Variants in ANK3 observed in about 807,000 individuals in gnomAD.
The protein encoded by ANK3 is ankyrin 3, also known as ankyrin-3.
ANK3 carries 57 observed loss-of-function variants against 370.9 expected under a neutral mutation model. The observed-to-expected ratio is 0.15, with a 90% CI of 0.12 to 0.19. ANK3 has a LOEUF of 0.19. Ranked by LOEUF, ANK3 falls within the 10% of genes least tolerant of loss-of-function variation. ANK3 has a pLI of 1.00. For missense variants in ANK3, 4,439 were observed against 5,302.1 expected (o/e 0.84, Z 5.06); for synonymous variants, 1,929 against 1,946.3 (o/e 0.99, Z 0.23).
chr10:60,139,545 C>G (rs1191580719), intron 23 of ANK3: 1 of 154,490 alleles, frequency 6.5e-6, no homozygotes, highest in Non-Finnish European at 1.4e-5. Flanking sequence ...AACTGGTTTT[C>G]TCACACACAG....
intron 1 of ANK3, among the ~76,000 whole-genome samples, chr10:60,354,299 T>G (rs2057395131): frequency 6.6e-6 from 1 of 152,216 alleles, no homozygotes; most frequent in African/African-American, 2.4e-5. Context: ...ACAAGAAATG[T>G]GAGAGAAGAT....
At chr10:60,374,998 AAAAG>A (rs1344395590) in intron 1 of ANK3, among the ~76,000 whole-genome samples, 4 of 152,120 alleles carry the variant, frequency 2.6e-5, no homozygotes, top group South Asian at 4.1e-4. Flanking sequence ...GAAGAGAAAC[AAAAG>A]AAAGAGAAGG....
chr10:60,075,354 T>TAGG lies in ANK3; in HGVS notation c.5526_5527insCCT (p.Ser1842_Asn1843insPro). 6.2e-7 allele frequency: 1 copy of TAGG among 1,614,154 alleles called. No homozygotes were observed. Among genetic ancestry groups the TAGG allele is most frequent in the Non-Finnish European group, 8.5e-7 (1 of 1,180,014 alleles). ...GCTGCTGCTGATTTTGTAAATGAAT[T>TAGG]AGAGTCTGGAAGTTTCTTTAATGCT... On this transcript the variant is annotated inframe_insertion, in exon 37 of 44. Coordinates refer to ENST00000280772, the MANE Select transcript of ANK3 (RefSeq NM_020987.5).
Position 60,453,030 on chromosome 10 carries a change from T to A in ANK3, c.96+162156A>T, listed in dbSNP as rs189841026. Reference sequence around the variant, plus strand: ...TGAAAGAAACTCTGCAAGTCCAATTTGTAGTTTTAAAGAAAACTAAATTTA... The same window carrying A: ...TGAAAGAAACTCTGCAAGTCCAATTAGTAGTTTTAAAGAAAACTAAATTTA... On this transcript the variant is annotated intron_variant, in intron 2 of 43. Coordinates refer to the ANK3 transcript ENST00000373827. 1.7e-3 allele frequency among the ~76,000 whole-genome samples: 256 copies of A among 152,352 alleles called. 1 individual carries two copies. Among genetic ancestry groups the A allele is most frequent in the African/African-American group, 6.0e-3 (248 of 41,582 alleles).
At chr10:60,530,558 G>A (rs2076581347) in intron 2 of ANK3, among the ~76,000 whole-genome samples, 1 of 152,106 alleles carries the variant, frequency 6.6e-6, no homozygotes, top group Admixed American at 6.6e-5. Flanking sequence ...AGGCACACGG[G>A]CAGGATTCTG....
At chr10:60,479,964 A>G (rs2075169350) in intron 2 of ANK3, among the ~76,000 whole-genome samples, 1 of 152,222 alleles carries the variant, frequency 6.6e-6, no homozygotes, top group African/African-American at 2.4e-5. Flanking sequence ...ATTACATCAT[A>G]TACAGTAACT....
chr10:60,212,352 A>C (rs1489261288), intron 9 of ANK3, among the ~76,000 whole-genome samples: 1 of 152,110 alleles, frequency 6.6e-6, no homozygotes, highest in Non-Finnish European at 1.5e-5. Context: ...CAAAAAGGGA[A>C]ATGGGGGACC....
At chr10:60,175,977 C>T (rs574614003) in intron 18 of ANK3, among the ~76,000 whole-genome samples, 2 of 152,228 alleles carry the variant, frequency 1.3e-5, no homozygotes, top group East Asian at 1.9e-4. Context: ...GAAAACAGTG[C>T]CTGGCATATC....
At chr10:60,133,499 C>T (rs1428839344) in intron 25 of ANK3, among the ~76,000 whole-genome samples, 1 of 152,236 alleles carries the variant, frequency 6.6e-6, no homozygotes, top group Non-Finnish European at 1.5e-5. Flanking sequence ...AAGCAAAATA[C>T]TATCACATCT....
intron 1 of ANK3, among the ~76,000 whole-genome samples, chr10:60,366,918 C>T (rs2059460962): frequency 6.6e-6 from 1 of 152,128 alleles, no homozygotes; most frequent in Non-Finnish European, 1.5e-5. Context: ...ATCCCTTTAT[C>T]CAATGAAAAA....
chr10:60,105,908 C>T lies in ANK3; in HGVS notation c.3325G>A (p.Glu1109Lys). The T allele has an allele frequency of 6.2e-7, 1 of 1,608,076 alleles. No individual in the cohort carries two copies. Among genetic ancestry groups the T allele is most frequent in the East Asian group, 2.2e-5 (1 of 44,462 alleles). ...DLTELLNGMDEELDSPEELGK... is the reference protein window; with the variant it reads ...DLTELLNGMDKELDSPEELGK... ...ACCAAGGAGCCATCATTATTACCTT[C>T]ATCCATGCCATTAAGTAACTCGGTT... Residue 1109 changes from glutamate to lysine, a missense_variant, in exon 28 of 44, where the codon GAA becomes AAA. Glu to Lys is a moderately conservative substitution (Grantham distance 56). This residue lies in a region of ANK3 where 702 missense variants were observed against 941.5 expected (regional missense o/e 0.75). Coordinates refer to ENST00000280772, the MANE Select transcript of ANK3 (RefSeq NM_020987.5).
At position 60,465,273 on chromosome 10, in the gene ANK3, A is replaced by G. The variant is rs972765825; in HGVS notation, c.96+149913T>C. Among the ~76,000 whole-genome samples the G allele has an allele frequency of 2.6e-5, 4 of 152,206 alleles. No individual in the cohort carries two copies. In the East Asian group the frequency reaches 7.7e-4, roughly 29 times the overall value. ...AGTGAGACCTAGTCACCAAAAAAAAAAAAGAAAGAACAGAAAATAAAAGAG... is the reference window on the plus strand; with the variant it reads ...AGTGAGACCTAGTCACCAAAAAAAAGAAAGAAAGAACAGAAAATAAAAGAG... On this transcript the variant is annotated intron_variant, in intron 2 of 43. Coordinates refer to the ANK3 transcript ENST00000373827.
chr10:60,672,138 C>T (rs1442508027), intron 1 of ANK3, among the ~76,000 whole-genome samples: 1 of 152,220 alleles, frequency 6.6e-6, no homozygotes. Context: ...AAGATTTGGT[C>T]TCCAACCCTG....
At position 60,669,199 on chromosome 10, in the gene ANK3, G is replaced by A. The variant is rs2079036030; in HGVS notation, c.58-53975C>T. 3.3e-5 allele frequency among the ~76,000 whole-genome samples: 5 copies of A among 152,140 alleles called. No homozygotes were observed. In the South Asian group the frequency reaches 8.3e-4, roughly 25 times the overall value. On this transcript the variant is annotated intron_variant, in intron 1 of 43. Coordinates refer to the ANK3 transcript ENST00000373827. ...TATTTATGAGCTACACTCAGGACAG[G>A]GCCCTGGACCAGCCTCTTCACAATC... is the stretch of plus-strand genomic sequence containing the variant.
intron 1 of ANK3, among the ~76,000 whole-genome samples, chr10:60,670,320 A>G (rs2079050301): frequency 1.3e-5 from 2 of 151,838 alleles, no homozygotes; most frequent in South Asian, 4.2e-4. Context: ...AGTCTTCCTC[A>G]TCTCCATAAA....
chr10:60,485,897 G>A (rs1003705918), intron 2 of ANK3, among the ~76,000 whole-genome samples: 1 of 152,112 alleles, frequency 6.6e-6, no homozygotes, highest in African/African-American at 2.4e-5. Context: ...AAAAATGGAG[G>A]GGATTGGGAA....
intron 1 of ANK3, among the ~76,000 whole-genome samples, chr10:60,707,579 C>T (rs976800946): frequency 1.3e-5 from 2 of 151,422 alleles, no homozygotes; most frequent in African/African-American, 4.8e-5. Context: ...TACACTTAGA[C>T]ATGATTATAG....
At position 60,279,037 on chromosome 10, in the gene ANK3, A is replaced by G. The variant is rs1280467086; in HGVS notation, c.315+13T>C. On this transcript the variant is annotated intron_variant, in intron 3 of 43. Coordinates refer to ENST00000280772, the MANE Select transcript of ANK3 (RefSeq NM_020987.5). ...GCGAGTGGTTCAAAAAGCATTAAAT[A>G]TGTGATACTGACCTTTGTAGCTGCA... The G allele has an allele frequency of 1.9e-6, 3 of 1,613,028 alleles. No homozygotes were observed. The highest frequency in any genetic ancestry group is 2.7e-5 in the African/African-American group (2 of 74,910).
At chr10:60,659,493 T>C (rs12785023) in intron 1 of ANK3, among the ~76,000 whole-genome samples, 50,570 of 152,012 alleles carry the variant, frequency 0.33, 8,969 homozygotes, top group South Asian at 0.56. Context: ...CAAGAGAGTT[T>C]GTGTGACCTT....
Sources: allele counts gnomAD v4.1 joint callset (sites outside exome capture counted in the v4.1 genomes callset), GRCh38; gene constraint gnomAD v4.1.1; regional missense constraint gnomAD v4.1.1; transcripts MANE v1.5; gene names NCBI Gene and HGNC (gene_info 2026-07-23, HGNC 2026-07-21).